Variants in LAMP1 observed in about 807,000 individuals in gnomAD.
LAMP1 encodes lysosome-associated membrane glycoprotein 1.
In LAMP1, 7 loss-of-function variants were observed where a neutral mutation model predicts 37.5. The observed-to-expected ratio is 0.19, with a 90% CI of 0.11 to 0.35. LAMP1 has a LOEUF of 0.35. Ranked by LOEUF, LAMP1 falls within the 10% of genes least tolerant of loss-of-function variation. The probability of loss-of-function intolerance (pLI) is 1.00; values close to 1 mark genes in which losing one functional copy is unlikely to be tolerated. For missense variants in LAMP1, 537 were observed against 552.8 expected, an observed-to-expected ratio of 0.97 and a Z score of 0.29; for synonymous variants, 236 against 229.1, an observed-to-expected ratio of 1.03 and a Z score of -0.27.
chr13:113,305,401 TAGAAC>T (rs1192770032), intron 1 of LAMP1: 1 of 152,208 alleles, frequency 6.6e-6, no homozygotes, highest in East Asian at 1.9e-4. Context: ...TGTTTGGCGT[TAGAAC>T]AGGCAGAAAC....
chr13:113,320,945 G>A lies in LAMP1; in HGVS notation c.877-459G>A, dbSNP rs1049551636. On this transcript the variant is annotated intron_variant, in intron 6 of 8. Transcript: ENST00000332556. The surrounding 1 kb of genome is among the most constrained non-coding windows in gnomAD (Gnocchi z 4.4). ...TGCTGTGATAGCTCCTGCAGTCCCC[G>A]TTTTCCAGAGACTGACTCTCAAGAG... is the stretch of plus-strand genomic sequence containing the variant. 38 of 216,080 alleles carry A rather than the reference G, an allele frequency of 1.8e-4. No individual in the cohort carries two copies. Among genetic ancestry groups the A allele is most frequent in the Admixed American group, 3.1e-4 (6 of 19,096 alleles). 13.4% of individuals were successfully genotyped at this position (216,080 alleles called of 1,614,324 possible).
rs1240097795 is a variant in LAMP1, at chr13:113,319,493, C to T, written c.587C>T (p.Pro196Leu). 6.2e-7 allele frequency: 1 copy of T among 1,613,274 alleles called. No individual in the cohort carries two copies. The highest frequency in any genetic ancestry group is 1.3e-5 in the African/African-American group (1 of 74,930). ...RGETRCEQDR[P>L]SPTTAPPAPP... is the part of the protein sequence containing the mutation. Reference sequence around the variant, plus strand: ...GAGACACGCTGTGAACAAGACAGGCCTTCCCCAACCACAGCGCCCCCTGCG... The same window carrying T: ...GAGACACGCTGTGAACAAGACAGGCTTTCCCCAACCACAGCGCCCCCTGCG... Residue 196 changes from proline (P) to leucine (L), a missense_variant, in exon 5 of 9, where the codon CCT (proline) becomes CTT (leucine). Pro to Leu is a moderately conservative substitution (Grantham distance 98). Coordinates refer to ENST00000332556, the MANE Select transcript of LAMP1 (RefSeq NM_005561.4).
Position 113,309,759 on chromosome 13 carries a change from C to G in LAMP1, c.300C>G (p.Leu100=). The G allele has an allele frequency of 2.5e-6, 4 of 1,614,104 alleles. No individual in the cohort carries two copies. The highest frequency in any genetic ancestry group is 3.4e-6 in the Non-Finnish European group (4 of 1,179,956). ...LVIAFGRGHT[L]TLNFTRNATR... ...TTGCTTTTGGAAGAGGACATACACTCACTCTCAATTTCACGAGAAATGCAA... is the reference window on the plus strand; with the variant it reads ...TTGCTTTTGGAAGAGGACATACACTGACTCTCAATTTCACGAGAAATGCAA... The change falls in exon 3 of 9, where the codon CTC becomes CTG. Residue 100 remains leucine, a synonymous_variant. Coordinates refer to ENST00000332556, the MANE Select transcript of LAMP1 (RefSeq NM_005561.4).
At chr13:113,304,690 C>T (rs532127169) in intron 1 of LAMP1, among the ~76,000 whole-genome samples, 2 of 150,766 alleles carry the variant, frequency 1.3e-5, no homozygotes, top group African/African-American at 4.9e-5. Context: ...GAGTTTTGCT[C>T]TTGTCACCCA....
intron 1 of LAMP1, among the ~76,000 whole-genome samples, chr13:113,298,575 G>T (rs980781354): frequency 6.6e-6 from 1 of 152,190 alleles, no homozygotes; most frequent in Non-Finnish European, 1.5e-5. Context: ...CCATCCAGCT[G>T]TAAAACTCTG....
chr13:113,309,835 C>T lies in LAMP1; in HGVS notation c.376C>T (p.His126Tyr), dbSNP rs767028185. 1.2e-6 allele frequency: 2 copies of T among 1,613,280 alleles called. No individual in the cohort carries two copies. Among genetic ancestry groups the T allele is most frequent in the African/African-American group, 1.3e-5 (1 of 75,038 alleles). ...MSFVYNLSDT[H>Y]LFPNASSKEI... ...TTTTGTTTATAACTTGTCAGACACA[C>T]ACCTTTTCCCCAATGCGAGCTCCAA... The change falls in exon 3 of 9, where the codon CAC becomes TAC. Residue 126 changes from histidine (H) to tyrosine (Y), a missense_variant. Coordinates refer to ENST00000332556, the MANE Select transcript of LAMP1 (RefSeq NM_005561.4).
At chr13:113,300,486 C>CAAAA (rs781688099) in intron 1 of LAMP1, among the ~76,000 whole-genome samples, 1 of 60,246 alleles carries the variant, frequency 1.7e-5, no homozygotes, top group Non-Finnish European at 3.6e-5. Flanking sequence ...AACTCAATGT[C>CAAAA]AAAAAAAAAA....
intron 2 of LAMP1, among the ~76,000 whole-genome samples, chr13:113,308,942 T>G (rs937619129): frequency 6.6e-6 from 1 of 152,244 alleles, no homozygotes; most frequent in African/African-American, 2.4e-5. Flanking sequence ...ACACCTTCTT[T>G]GTTTAAAGAA....
At chr13:113,306,930 C>T (rs1376569602) in intron 2 of LAMP1, among the ~76,000 whole-genome samples, 1 of 142,262 alleles carries the variant, frequency 7.0e-6, no homozygotes, top group Non-Finnish European at 1.5e-5. Context: ...AGCTCCGCCT[C>T]CTGGGTTCAT....
chr13:113,300,573 G>A (rs9604062), intron 1 of LAMP1, among the ~76,000 whole-genome samples: 8,215 of 152,026 alleles, frequency 0.054, 615 homozygotes, highest in African/African-American at 0.16. Context: ...TTGGGAGGCT[G>A]AGGCAGGCCG....
chr13:113,301,465 C>CA (rs973855596), intron 1 of LAMP1, among the ~76,000 whole-genome samples: 1 of 150,658 alleles, frequency 6.6e-6, no homozygotes, highest in African/African-American at 2.4e-5. Context: ...TACTAAAATA[C>CA]AAAAAAAATT....
intron 4 of LAMP1, among the ~76,000 whole-genome samples, chr13:113,314,375 C>T (rs1364509046): frequency 1.9e-5 from 2 of 104,272 alleles, no homozygotes; most frequent in South Asian, 3.1e-4. Flanking sequence ...CTGGAGGGAA[C>T]CAGCGTGGAG....
At chr13:113,314,333 C>T (rs111947754) in intron 4 of LAMP1, among the ~76,000 whole-genome samples, 887 of 28,014 alleles carry the variant, frequency 0.032, no homozygotes, top group Admixed American at 0.041. Context: ...GGAGCCAGTG[C>T]GGAGATGCCC....
At position 113,319,667 on chromosome 13, in the gene LAMP1, G is replaced by A. The variant is rs201866480; in HGVS notation, c.750+11G>A. 215 of 1,604,970 alleles carry A rather than the reference G, an allele frequency of 1.3e-4. No homozygotes were observed. The highest frequency in any genetic ancestry group is 1.8e-4 in the Non-Finnish European group (211 of 1,176,420). Reference sequence around the variant, plus strand: ...AGGAAGGACAACACGGTAGGGCTGGGGCCTCACCTGGGAGAGGGGGACGGC... The same window carrying A: ...AGGAAGGACAACACGGTAGGGCTGGAGCCTCACCTGGGAGAGGGGGACGGC... On this transcript the variant is annotated intron_variant, in intron 5 of 8. Coordinates refer to ENST00000332556, the MANE Select transcript of LAMP1 (RefSeq NM_005561.4).
At chr13:113,312,654 C>T (rs974931537) in intron 4 of LAMP1, among the ~76,000 whole-genome samples, 14 of 152,208 alleles carry the variant, frequency 9.2e-5, no homozygotes, top group African/African-American at 3.1e-4. Flanking sequence ...CACAGGGCCC[C>T]GGGGGCCGTG....
intron 2 of LAMP1, among the ~76,000 whole-genome samples, chr13:113,308,226 G>A (rs1490784455): frequency 6.6e-6 from 1 of 151,864 alleles, no homozygotes; most frequent in Non-Finnish European, 1.5e-5. Context: ...ATGTTGGCCA[G>A]GCTGGTCTTA....
intron 2 of LAMP1, among the ~76,000 whole-genome samples, chr13:113,307,924 A>G (rs1177423368): frequency 2.1e-5 from 3 of 139,644 alleles, no homozygotes; most frequent in Non-Finnish European, 4.5e-5. Context: ...TTGCCACTGC[A>G]CTCCAGCCTG....
chr13:113,315,060 T>C (rs1332521999), intron 4 of LAMP1, among the ~76,000 whole-genome samples: 17 of 100,736 alleles, frequency 1.7e-4, no homozygotes, highest in African/African-American at 2.0e-4. Flanking sequence ...TGTGGAGATG[T>C]CGGTGTGTCT....
At chr13:113,308,935 CCTT>C (rs2042614773) in intron 2 of LAMP1, among the ~76,000 whole-genome samples, 1 of 152,102 alleles carries the variant, frequency 6.6e-6, no homozygotes, top group South Asian at 2.1e-4. Flanking sequence ...GCTATAAACA[CCTT>C]CTTTGTTTAA....
Sources: allele counts gnomAD v4.1 joint callset (sites outside exome capture counted in the v4.1 genomes callset), GRCh38; gene constraint gnomAD v4.1.1; non-coding constraint Gnocchi (gnomAD v3.1); transcripts MANE v1.5; gene names NCBI Gene and HGNC (gene_info 2026-07-23, HGNC 2026-07-21).